IL27: variants seen among roughly 807,000 people sequenced by gnomAD.
The protein encoded by IL27 is interleukin-27 subunit alpha.
A neutral mutation model predicts 27.0 loss-of-function variants in IL27; 11 were observed. The ratio of observed to expected loss-of-function variants is 0.41; its 90% CI spans 0.26 to 0.67. The LOEUF (loss-of-function observed/expected upper bound fraction) is 0.67, where lower values mean the gene tolerates loss of function less well. Ranked by LOEUF, IL27 falls within the 30% of genes least tolerant of loss-of-function variation. The probability of loss-of-function intolerance (pLI) is 0.34; values close to 1 mark genes in which losing one functional copy is unlikely to be tolerated. For missense variants in IL27, 299 were observed against 310.4 expected (o/e 0.96, Z 0.28); for synonymous variants, 134 against 140.6 (o/e 0.95, Z 0.33).
In IL27 at chr16:28,506,778, C is replaced by T. The variant is rs1237224201; in HGVS notation, c.31+3G>A. The T allele has an allele frequency of 1.9e-6, 3 of 1,611,826 alleles. No homozygotes were observed. The highest frequency in any genetic ancestry group is 2.2e-5 in the East Asian group (1 of 44,530). ...AGCCCCCCACCCCTGGCTTCAAACT[C>T]ACGCCAGCCAAGGTCGCCTGCCGTC... On this transcript the variant is annotated splice_donor_region_variant and intron_variant, in intron 1 of 4. Transcript: ENST00000356897.
At chr16:28,504,627 C>T (rs1246985642) in intron 1 of IL27, among the ~76,000 whole-genome samples, 1 of 151,396 alleles carries the variant, frequency 6.6e-6, no homozygotes, top group Non-Finnish European at 1.5e-5. Context: ...TTCTATCACC[C>T]AGCCTGGAGT....
At chr16:28,505,354 T>A (rs62771060) in intron 1 of IL27, among the ~76,000 whole-genome samples, 1 of 147,558 alleles carries the variant, frequency 6.8e-6, no homozygotes, top group Non-Finnish European at 1.5e-5. Flanking sequence ...TTTTTTTTTT[T>A]AAGACAGATT....
chr16:28,501,838 T>G lies in IL27; in HGVS notation c.462+138A>C, dbSNP rs554044624. ...ACCCACACAGTCACTCTCACACTCA[T>G]GAACCCACACACTCATGGACACTCA... On this transcript the variant is annotated intron_variant, in intron 4 of 4. Transcript: ENST00000356897. The G allele has an allele frequency of 8.6e-6, 9 of 1,040,636 alleles. No homozygotes were observed. The South Asian group carries it at 1.2e-4, about 14-fold the overall frequency. The allele number at this position is 1,040,636 out of a possible 1,614,324, so 64.5% of individuals were successfully genotyped here.
At chr16:28,505,518 G>A (rs1325041834) in intron 1 of IL27, among the ~76,000 whole-genome samples, 2 of 151,982 alleles carry the variant, frequency 1.3e-5, no homozygotes, top group African/African-American at 2.4e-5. Flanking sequence ...GGGTTTTGCC[G>A]TGTTGGCCAG....
In IL27 at chr16:28,502,095, G is replaced by A; in HGVS notation, c.343C>T (p.Pro115Ser). The change falls in exon 4 of 5, where the codon CCC becomes TCC. Residue 115 changes from proline to serine, a missense_variant. Physicochemically the swap from Pro to Ser is moderately conservative, Grantham distance 74 (BLOSUM62 -1). Transcript: ENST00000356897. ...AGCCCTCCCAGCAGGGCATGGAAGGGCTGAAGCGTGGTGGAGATGAAGCAG... is the reference window on the plus strand; with the variant it reads ...AGCCCTCCCAGCAGGGCATGGAAGGACTGAAGCGTGGTGGAGATGAAGCAG... ...RLCFISTTLQPFHALLGGLGT... is the reference protein window; with the variant it reads ...RLCFISTTLQSFHALLGGLGT... 6.2e-7 allele frequency: 1 copy of A among 1,613,158 alleles called. No individual in the cohort carries two copies. The highest frequency in any genetic ancestry group is 8.5e-7 in the Non-Finnish European group (1 of 1,179,646).
intron 1 of IL27, among the ~76,000 whole-genome samples, chr16:28,505,747 C>A (rs1223262978): frequency 6.6e-6 from 1 of 152,166 alleles, no homozygotes; most frequent in African/African-American, 2.4e-5. Context: ...CTAGCAAGCA[C>A]AAGAGTTACA....
chr16:28,499,753 C>T lies in IL27; in HGVS notation c.630G>A (p.Leu210=). The change falls in exon 5 of 5, where the codon TTG becomes TTA. Residue 210 remains leucine (L), a synonymous_variant. Coordinates refer to ENST00000356897, the MANE Select transcript of IL27 (RefSeq NM_145659.3). ...LLSTYRLLHS[L]ELVLSRAVRE... The stretch of plus-strand genomic sequence containing the variant: ...GCACGGCCCGAGATAAGACGAGCTC[C>T]AAGGAGTGCAGCAGGCGGTAGGTGG... The T allele has an allele frequency of 6.2e-7, 1 of 1,613,318 alleles. No individual in the cohort carries two copies. The highest frequency in any genetic ancestry group is 1.1e-5 in the South Asian group (1 of 90,854).
At chr16:28,501,735 CCA>C (rs2046432191) in intron 4 of IL27, among the ~76,000 whole-genome samples, 2 of 134,804 alleles carry the variant, frequency 1.5e-5, no homozygotes, top group Non-Finnish European at 3.4e-5. Context: ...ACTCACAGAC[CCA>C]CACTCACACA....
intron 1 of IL27, among the ~76,000 whole-genome samples, chr16:28,505,474 C>T (rs1477398613): frequency 2.6e-5 from 4 of 152,104 alleles, no homozygotes; most frequent in African/African-American, 4.8e-5. Flanking sequence ...GTAGCCACCA[C>T]GCCTGGCTAA....
chr16:28,506,657 A>C, intron 1 of IL27, 124 bp downstream of exon 1: 3 of 919,646 alleles, frequency 3.3e-6, no homozygotes, highest in Non-Finnish European at 5.0e-6. Context: ...TGCAGCAGCC[A>C]GCCGAATCCT....
chr16:28,501,711 CCA>C (rs1491132013), intron 4 of IL27, among the ~76,000 whole-genome samples: 2 of 147,772 alleles, frequency 1.4e-5, no homozygotes. Flanking sequence ...ACAGTCACTC[CCA>C]CACACTCTCA....
rs1370713760 is a variant in IL27 at position 28,503,989 on chromosome 16, C to T, written c.93G>A (p.Arg31=). 14 of 1,613,882 alleles carry T rather than the reference C, an allele frequency of 8.7e-6. No individual in the cohort carries two copies. Among genetic ancestry groups the T allele is most frequent in the Admixed American group, 5.0e-5 (3 of 59,994 alleles). ...LVQAGVWGFP[R]PPGRPQLSLQ... ...GGCTCAGCTGGGGCCTCCCTGGGGG[C>T]CTTGGGAATCCCCAGACACCAGCTT... is the stretch of plus-strand genomic sequence containing the variant. Residue 31 remains arginine, a synonymous_variant, in exon 2 of 5, where the codon AGG becomes AGA. Transcript: ENST00000356897.
Position 28,502,012 on chromosome 16 carries a change from C to T in IL27, c.426G>A (p.Leu142=), listed in dbSNP as rs1295355881. ...MERMQLWAMR[L]DLRDLQRHLR... Reference sequence around the variant, plus strand: ...GGTGCCGCTGCAGATCGCGGAGGTCCAGCCTCATGGCCCACAGCTGCATCC... The same window carrying T: ...GGTGCCGCTGCAGATCGCGGAGGTCTAGCCTCATGGCCCACAGCTGCATCC... The change falls in exon 4 of 5, where the codon CTG becomes CTA. Residue 142 remains leucine (L), a synonymous_variant. Transcript: ENST00000356897. 1.9e-6 allele frequency: 3 copies of T among 1,611,688 alleles called. No homozygotes were observed. Among genetic ancestry groups the T allele is most frequent in the Non-Finnish European group, 8.5e-7 (1 of 1,179,886 alleles).
At position 28,503,920 on chromosome 16, in the gene IL27, G is replaced by T. The variant is rs755972280; in HGVS notation, c.162C>A (p.Ala54=). 2 of 1,614,210 alleles carry T rather than the reference G, an allele frequency of 1.2e-6. No individual in the cohort carries two copies. Among genetic ancestry groups the T allele is most frequent in the South Asian group, 2.2e-5 (2 of 91,090 alleles). Residue 54 remains alanine (A), a synonymous_variant, in exon 2 of 5, where the codon GCC becomes GCA. Transcript: ENST00000356897. The part of the protein sequence containing the change: ...RREFTVSLHL[A]RKLLSEVRGQ... ...CCCGAACCTCGGAGAGCAGCTTCCTGGCGAGATGCAGGCTGACTGTGAACT... is the reference window on the plus strand; with the variant it reads ...CCCGAACCTCGGAGAGCAGCTTCCTTGCGAGATGCAGGCTGACTGTGAACT...
intron 1 of IL27, among the ~76,000 whole-genome samples, chr16:28,505,429 C>T (rs539318292): frequency 6.6e-6 from 1 of 152,188 alleles, no homozygotes; most frequent in South Asian, 2.1e-4. Flanking sequence ...CTTCACCTCC[C>T]AGGTTAAAGC....
Position 28,503,932 on chromosome 16 carries a change from GCTGA to G in IL27, c.146_149del (p.Val49AlafsTer27). ...AGAGCAGCTTCCTGGCGAGATGCAG[GCTGA>G]CTGTGAACTCCCTCCGCAGCTCCTG... is the stretch of plus-strand genomic sequence containing the variant. On this transcript the variant is annotated frameshift_variant, in exon 2 of 5. Coordinates refer to ENST00000356897, the MANE Select transcript of IL27 (RefSeq NM_145659.3). LOFTEE classifies it high-confidence loss of function. 5 of 1,614,218 alleles carry G rather than the reference GCTGA, an allele frequency of 3.1e-6. No homozygotes were observed. Among genetic ancestry groups the G allele is most frequent in the Non-Finnish European group, 4.2e-6 (5 of 1,180,036 alleles).
At chr16:28,500,957 T>C (rs1596575933) in intron 4 of IL27, among the ~76,000 whole-genome samples, 1 of 152,076 alleles carries the variant, frequency 6.6e-6, no homozygotes, top group Admixed American at 6.6e-5. Flanking sequence ...CCCAGCACTT[T>C]GGGAAGCCGA....
chr16:28,500,853 TACTCATTCTCACA>T (rs2046425311), intron 4 of IL27, among the ~76,000 whole-genome samples: 1 of 151,414 alleles, frequency 6.6e-6, no homozygotes, highest in African/African-American at 2.4e-5. Flanking sequence ...CTCACACACA[TACTCATTCTCACA>T]ACGCACCCAC....
At chr16:28,501,565 ACACACACT>A (rs1362315035) in intron 4 of IL27, among the ~76,000 whole-genome samples, 1 of 106,936 alleles carries the variant, frequency 9.4e-6, no homozygotes, top group Non-Finnish European at 2.0e-5. Context: ...GCCCCCCCAC[ACACACACT>A]CACAGTCACA....
Sources: allele counts gnomAD v4.1 joint callset (sites outside exome capture counted in the v4.1 genomes callset), GRCh38; gene constraint gnomAD v4.1.1; transcripts MANE v1.5; gene names NCBI Gene and HGNC (gene_info 2026-07-23, HGNC 2026-07-21).